The following ZZZ3 variants were observed in gnomAD, a reference collection of about 807,000 sequenced individuals.
ZZZ3 encodes the protein zinc finger ZZ-type containing 3.
Under a neutral mutation model 95.2 loss-of-function variants are expected in ZZZ3, and 22 were observed. The observed-to-expected ratio is 0.23, with a 90% confidence interval of 0.17 to 0.33. The LOEUF is 0.33. Ranked by LOEUF, ZZZ3 falls within the 10% of genes least tolerant of loss-of-function variation. ZZZ3 has a pLI of 1.00. For missense variants in ZZZ3, 885 were observed against 1,066.5 expected (o/e 0.83, Z 2.37); for synonymous variants, 335 against 358.9 (o/e 0.93, Z 0.75).
chr1:77,614,359 A>T (rs1341893951), intron 5 of ZZZ3, among the ~76,000 whole-genome samples: 3 of 152,200 alleles, frequency 2.0e-5, no homozygotes. Flanking sequence ...CTCACAATTG[A>T]AAAAATGAAG....
rs1379888708 is a variant in ZZZ3, at chr1:77,564,940, T to A, written c.*700A>T. 6.6e-6 allele frequency: 1 copy of A among 152,660 alleles called. No homozygotes were observed. Among genetic ancestry groups the A allele is most frequent in the Non-Finnish European group, 1.5e-5 (1 of 68,036 alleles). 9.5% of individuals were successfully genotyped at this position (152,660 alleles called of 1,614,324 possible). On this transcript the variant is annotated 3_prime_UTR_variant, in exon 15 of 15. Transcript: ENST00000370801. Reference sequence around the variant, plus strand: ...ATAGTTTGTACACATCACATGATCATCTTATATAACATTACATTTAAAAAA... The same window carrying A: ...ATAGTTTGTACACATCACATGATCAACTTATATAACATTACATTTAAAAAA...
rs1668587364 is a variant in ZZZ3 at position 77,639,597 on chromosome 1, A to G, written c.-200T>C. 2 of 544,654 alleles carry G rather than the reference A, an allele frequency of 3.7e-6. No homozygotes were observed. The highest frequency in any genetic ancestry group is 5.8e-6 in the Non-Finnish European group (2 of 344,226). 33.7% of individuals were successfully genotyped at this position (544,654 alleles called of 1,614,324 possible). A position where few individuals can be genotyped will look rare whatever the true frequency, so the allele number is the denominator to read the frequency against. On this transcript the variant is annotated 5_prime_UTR_variant, in exon 4 of 15. Transcript: ENST00000370801. ...CATGAAGAATACTAGAACCTCCTAAATTTTTCTTTAAAATAAAATAATGAA... is the reference window on the plus strand; with the variant it reads ...CATGAAGAATACTAGAACCTCCTAAGTTTTTCTTTAAAATAAAATAATGAA...
rs769487856 is a variant in ZZZ3, at chr1:77,633,103, C to T, written c.252G>A (p.Arg84=). The change falls in exon 5 of 15, where the codon AGG becomes AGA. Residue 84 remains arginine, a synonymous_variant. Transcript: ENST00000370801. ...QSTRESWVSP[R]KRGLSSSEKD... ...TTTCTGAAGAAGAAAGTCCTCTTTT[C>T]CTAGGGCTTACCCATGATTCTCGGG... 1 of 1,613,866 alleles carries T rather than the reference C, an allele frequency of 6.2e-7. No individual in the cohort carries two copies. The highest frequency in any genetic ancestry group is 1.3e-5 in the African/African-American group (1 of 74,926).
At chr1:77,682,814 C>A (rs1672917103), upstream of ZZZ3, 1 of 152,258 alleles carries the variant, frequency 6.6e-6, no homozygotes, top group South Asian at 2.1e-4. Flanking sequence ...AACACTGAGA[C>A]AGTAGGAAGT....
rs1217837570 is a variant in ZZZ3 at position 77,563,351 on chromosome 1, TAAAAC to T, written c.*2284_*2288del. ...CCCATTATTCCTGCAACTCTCAAAT[TAAAAC>T]AATAACAAAACACTACCTACTACTA... is the stretch of plus-strand genomic sequence containing the variant. On this transcript the variant is annotated 3_prime_UTR_variant, in exon 15 of 15. Transcript: ENST00000370801. The T allele has an allele frequency of 6.6e-6, 1 of 152,134 alleles. No homozygotes were observed. Among genetic ancestry groups the T allele is most frequent in the Non-Finnish European group, 1.5e-5 (1 of 68,022 alleles). 9.4% of individuals were successfully genotyped at this position (152,134 alleles called of 1,614,324 possible). A position where few individuals can be genotyped will look rare whatever the true frequency, so the allele number is the denominator to read the frequency against.
rs1660539119 is a variant in ZZZ3, at chr1:77,562,953, T to C, written c.*2687A>G. 6.6e-6 allele frequency: 1 copy of C among 152,252 alleles called. No individual in the cohort carries two copies. The highest frequency in any genetic ancestry group is 1.5e-5 in the Non-Finnish European group (1 of 68,050). The allele number at this position is 152,252 out of a possible 1,614,324, so 9.4% of individuals were successfully genotyped here. A position where few individuals can be genotyped will look rare whatever the true frequency, so the allele number is the denominator to read the frequency against. On this transcript the variant is annotated 3_prime_UTR_variant, in exon 15 of 15. Transcript: ENST00000370801. ...ACTATACGACCTTGGGCAGGTTAAT[T>C]AACTTCTCTCTGGCGAGATTTCCTC...
intron 5 of ZZZ3, chr1:77,585,045 G>A (rs1662950802): frequency 6.5e-6 from 1 of 153,000 alleles, no homozygotes; most frequent in Non-Finnish European, 1.5e-5. Flanking sequence ...GTACTCTGTT[G>A]AAATAGGGAA....
intron 5 of ZZZ3, among the ~76,000 whole-genome samples, chr1:77,587,840 C>T (rs1306870180): frequency 6.6e-6 from 1 of 152,218 alleles, no homozygotes; most frequent in African/African-American, 2.4e-5. Flanking sequence ...TCCTCCTCTA[C>T]CTCAGCCTAC....
intron 4 of ZZZ3, among the ~76,000 whole-genome samples, chr1:77,637,502 C>T (rs1411621312): frequency 6.6e-6 from 1 of 151,936 alleles, no homozygotes; most frequent in African/African-American, 2.4e-5. Flanking sequence ...GTGCAAAATT[C>T]AGTTAATAAA....
In ZZZ3 at chr1:77,568,388, G is replaced by T; in HGVS notation, c.2410C>A (p.Gln804Lys). ...TCAGCTTGCATTTGCTGAAGTTTCT[G>T]CTTCTTTAACTTTTTAAACTGTAAT... The part of the protein sequence containing the change: ...ELLQFKKLKK[Q>K]KLQQMQAESG... The change falls in exon 13 of 15, where the codon CAG becomes AAG. Residue 804 changes from glutamine (Q) to lysine (K), a missense_variant. This residue lies in a region of ZZZ3 where 221 missense variants were observed against 247.8 expected (regional missense o/e 0.89). Transcript: ENST00000370801. 6.3e-7 allele frequency: 1 copy of T among 1,593,220 alleles called. No individual in the cohort carries two copies. The highest frequency in any genetic ancestry group is 8.5e-7 in the Non-Finnish European group (1 of 1,171,326).
chr1:77,629,943 T>A (rs532501903), intron 5 of ZZZ3, among the ~76,000 whole-genome samples: 1 of 152,358 alleles, frequency 6.6e-6, no homozygotes, highest in South Asian at 2.1e-4. Context: ...AACTGTTTTA[T>A]GTGAACATCA....
In ZZZ3 at chr1:77,631,938, C is replaced by T. The variant is rs755985954; in HGVS notation, c.1417G>A (p.Ala473Thr). ...IGHLPSAKES[A>T]SQHITEEEDD... ...TCCTCTTCTGTAATGTGCTGACTGG[C>T]ACTCTCTTTGGCAGATGGCAAATGT... Residue 473 changes from alanine to threonine, a missense_variant, in exon 5 of 15, where the codon GCC becomes ACC. Ala to Thr is a moderately conservative substitution (Grantham distance 58). Coordinates refer to ENST00000370801, the MANE Select transcript of ZZZ3 (RefSeq NM_015534.6). The T allele has an allele frequency of 1.9e-6, 3 of 1,613,944 alleles. No homozygotes were observed. The highest frequency in any genetic ancestry group is 2.5e-6 in the Non-Finnish European group (3 of 1,179,960).
In ZZZ3 at chr1:77,633,071, T is replaced by C. The variant is rs1557746468; in HGVS notation, c.284A>G (p.Asn95Ser). 1 of 1,613,978 alleles carries C rather than the reference T, an allele frequency of 6.2e-7. No homozygotes were observed. Among genetic ancestry groups the C allele is most frequent in the Non-Finnish European group, 8.5e-7 (1 of 1,180,026 alleles). Residue 95 changes from asparagine (N) to serine (S), a missense_variant, in exon 5 of 15, where the codon AAC becomes AGC. Transcript: ENST00000370801. The stretch of plus-strand genomic sequence containing the variant: ...ATTTTCTATAGCCTGCCTTTCTATG[T>C]TATCCTTTTCTGAAGAAGAAAGTCC... Reference protein sequence around the residue: ...KRGLSSSEKDNIERQAIENCE... With the variant: ...KRGLSSSEKDSIERQAIENCE...
intron 5 of ZZZ3, among the ~76,000 whole-genome samples, chr1:77,611,942 A>G (rs1344289856): frequency 2.0e-5 from 3 of 152,090 alleles, no homozygotes; most frequent in Non-Finnish European, 4.4e-5. Flanking sequence ...TAATACACAA[A>G]AAGCTTAGCT....
chr1:77,669,460 T>G (rs1428872304), intron 1 of ZZZ3, among the ~76,000 whole-genome samples: 2 of 150,070 alleles, frequency 1.3e-5, no homozygotes, highest in Admixed American at 1.3e-4. Flanking sequence ...CTCAGTTTTT[T>G]TTTTTTTTTT....
intron 5 of ZZZ3, among the ~76,000 whole-genome samples, chr1:77,593,719 G>C (rs1663943741): frequency 6.6e-6 from 1 of 152,060 alleles, no homozygotes. Context: ...TACTTCATTA[G>C]TCTTATATGC....
At chr1:77,576,018 A>G (rs1254626932) in intron 12 of ZZZ3, 50 bp downstream of exon 12, 3 of 1,374,498 alleles carry the variant, frequency 2.2e-6, no homozygotes, top group East Asian at 4.9e-5. Context: ...AGAAAATCCT[A>G]CTCTCTTCTA....
intron 5 of ZZZ3, among the ~76,000 whole-genome samples, chr1:77,599,444 C>T (rs143953690): frequency 3.9e-4 from 60 of 151,962 alleles, no homozygotes; most frequent in African/African-American, 1.3e-3. Flanking sequence ...TTACAGATGA[C>T]ATAAACAAAA....
At chr1:77,679,068 CAGAA>C (rs759164433) in intron 1 of ZZZ3, among the ~76,000 whole-genome samples, 8 of 151,994 alleles carry the variant, frequency 5.3e-5, no homozygotes, top group African/African-American at 1.5e-4. Flanking sequence ...AAAAGAAAAA[CAGAA>C]AGGTGAGAAC....
Sources: allele counts gnomAD v4.1 joint callset (sites outside exome capture counted in the v4.1 genomes callset), GRCh38; gene constraint gnomAD v4.1.1; regional missense constraint gnomAD v4.1.1; transcripts MANE v1.5; gene names NCBI Gene and HGNC (gene_info 2026-07-23, HGNC 2026-07-21).